Variants in SPECC1 observed in about 807,000 individuals in gnomAD.
SPECC1 encodes cytospin-B.
SPECC1 carries 62 observed loss-of-function variants against 104.1 expected under a neutral mutation model. That is an observed-to-expected ratio of 0.60 (90% confidence interval 0.49 to 0.74). The LOEUF (loss-of-function observed/expected upper bound fraction) is 0.74, where lower values mean the gene tolerates loss of function less well. Ranked by LOEUF, SPECC1 falls within the 30% of genes least tolerant of loss-of-function variation. SPECC1 has a pLI of 0.00. For missense variants in SPECC1, 1,306 were observed against 1,310.5 expected (o/e 1.00, Z 0.05); for synonymous variants, 513 against 501.6 (o/e 1.02, Z -0.30).
intron 2 of SPECC1, among the ~76,000 whole-genome samples, chr17:20,107,144 C>CAAA (rs531912350): frequency 0.098 from 6,645 of 67,910 alleles, 789 homozygotes; most frequent in African/African-American, 0.18. Context: ...ACTCGTGTCT[C>CAAA]AAAAAAAAAA....
intron 13 of SPECC1, among the ~76,000 whole-genome samples, chr17:20,298,948 A>AGAGAGAGAGAGTGTGT: frequency 2.0e-5 from 1 of 49,076 alleles, no homozygotes; most frequent in African/African-American, 9.3e-5. Flanking sequence ...AGAGAGAGAG[A>AGAGAGAGAGAGTGTGT]GTGTGTGTGT....
At chr17:20,066,030 C>G (rs149008920) in intron 1 of SPECC1, among the ~76,000 whole-genome samples, 1 of 152,180 alleles carries the variant, frequency 6.6e-6, no homozygotes, top group African/African-American at 2.4e-5. Flanking sequence ...ATCTATCAGT[C>G]AATCATAACA....
At chr17:20,310,934 C>T (rs1289978936) in intron 14 of SPECC1, among the ~76,000 whole-genome samples, 1 of 151,938 alleles carries the variant, frequency 6.6e-6, no homozygotes, top group East Asian at 1.9e-4. Flanking sequence ...TCATGGAGGT[C>T]CTGCAAGGTG....
intron 1 of SPECC1, chr17:20,095,751 G>T (rs942261007): frequency 6.6e-6 from 1 of 152,540 alleles, no homozygotes; most frequent in Non-Finnish European, 1.5e-5. Flanking sequence ...GTGCATTTCT[G>T]ATGTTCTTTG....
chr17:20,165,467 T>C (rs2033572019), intron 3 of SPECC1, among the ~76,000 whole-genome samples: 2 of 152,234 alleles, frequency 1.3e-5, no homozygotes, highest in African/African-American at 4.8e-5. Context: ...TTGATGGACA[T>C]TTGGATTGAT....
intron 1 of SPECC1, among the ~76,000 whole-genome samples, chr17:20,068,770 T>G (rs1347871963): frequency 2.0e-5 from 3 of 152,250 alleles, no homozygotes; most frequent in Non-Finnish European, 4.4e-5. Flanking sequence ...TTTCACGTGC[T>G]TGTTGGCCAC....
chr17:20,106,895 G>A (rs749585904), intron 2 of SPECC1, among the ~76,000 whole-genome samples: 1 of 152,062 alleles, frequency 6.6e-6, no homozygotes, highest in Non-Finnish European at 1.5e-5. Context: ...GGTGGCCCAC[G>A]CCTGTAATCC....
At position 20,171,779 on chromosome 17, in the gene SPECC1, A is replaced by ATT. The variant is rs2034113163; in HGVS notation, c.284-32554_284-32553insTT. 3.9e-5 allele frequency among the ~76,000 whole-genome samples: 6 copies of ATT among 152,062 alleles called. No individual in the cohort carries two copies. The South Asian group carries it at 1.2e-3, about 32-fold the overall frequency. Reference sequence around the variant, plus strand: ...TGCTCAGGCTGGTCTCATCCCTATTAATGTGAATTCTGGTACCAGCTTTGA... The same window carrying ATT: ...TGCTCAGGCTGGTCTCATCCCTATTATTATGTGAATTCTGGTACCAGCTTTGA... On this transcript the variant is annotated intron_variant, in intron 3 of 14. Coordinates refer to ENST00000395527, the MANE Select transcript of SPECC1 (RefSeq NM_001243439.2).
At chr17:20,079,826 CTG>C (rs903006675) in intron 1 of SPECC1, among the ~76,000 whole-genome samples, 1 of 152,140 alleles carries the variant, frequency 6.6e-6, no homozygotes, top group Non-Finnish European at 1.5e-5. Context: ...CCATTGGGGG[CTG>C]TGGTGGAGAG....
intron 3 of SPECC1, among the ~76,000 whole-genome samples, chr17:20,138,692 G>A (rs902628410): frequency 6.6e-6 from 1 of 152,078 alleles, no homozygotes. Flanking sequence ...TCTTTTCATG[G>A]CTTGATAGTT....
intron 2 of SPECC1, among the ~76,000 whole-genome samples, chr17:20,103,490 C>T (rs1041535004): frequency 5.9e-5 from 9 of 152,176 alleles, no homozygotes; most frequent in Admixed American, 1.3e-4. Context: ...TAAAGATGTA[C>T]GTCCAGCCTC....
intron 4 of SPECC1, among the ~76,000 whole-genome samples, chr17:20,218,259 C>G (rs1304444545): frequency 6.6e-6 from 1 of 152,010 alleles, no homozygotes; most frequent in African/African-American, 2.4e-5. Context: ...ATAAACTCTC[C>G]AAGTCATTAT....
At chr17:20,095,145 C>T (rs1396275243) in intron 1 of SPECC1, among the ~76,000 whole-genome samples, 3 of 152,128 alleles carry the variant, frequency 2.0e-5, no homozygotes, top group Non-Finnish European at 2.9e-5. Context: ...TGCATTCTTT[C>T]ATTGTTGCTG....
intron 12 of SPECC1, among the ~76,000 whole-genome samples, chr17:20,273,061 C>G (rs879596143): frequency 6.6e-6 from 1 of 152,180 alleles, no homozygotes; most frequent in Non-Finnish European, 1.5e-5. Flanking sequence ...ATATCCATGA[C>G]GAACTTCTGG....
chr17:20,078,094 A>G (rs1239810179), intron 1 of SPECC1, among the ~76,000 whole-genome samples: 1 of 151,414 alleles, frequency 6.6e-6, no homozygotes, highest in Non-Finnish European at 1.5e-5. Context: ...ATATACATAA[A>G]AAGACATATG....
chr17:20,272,063 G>A (rs76505169), intron 12 of SPECC1, among the ~76,000 whole-genome samples: 4,192 of 152,030 alleles, frequency 0.028, 184 homozygotes, highest in African/African-American at 0.094. Context: ...ATTTCAGGGT[G>A]ATGTGCCTTG....
intron 3 of SPECC1, among the ~76,000 whole-genome samples, chr17:20,177,607 A>G (rs1188408952): frequency 1.3e-5 from 2 of 152,200 alleles, no homozygotes; most frequent in Non-Finnish European, 2.9e-5. Context: ...ATGTAATTAA[A>G]TACTCTCAAC....
At chr17:20,081,039 C>T (rs1240081865) in intron 1 of SPECC1, among the ~76,000 whole-genome samples, 1 of 152,200 alleles carries the variant, frequency 6.6e-6, no homozygotes, top group African/African-American at 2.4e-5. Flanking sequence ...AGTTTCTCTC[C>T]CTCTTGTCAT....
At chr17:20,148,815 G>T (rs1167112725) in intron 3 of SPECC1, among the ~76,000 whole-genome samples, 1 of 152,062 alleles carries the variant, frequency 6.6e-6, no homozygotes, top group East Asian at 1.9e-4. Flanking sequence ...TGCCTCCCAG[G>T]TTCAAGCGAT....
Sources: allele counts gnomAD v4.1 joint callset (sites outside exome capture counted in the v4.1 genomes callset), GRCh38; gene constraint gnomAD v4.1.1; transcripts MANE v1.5; gene names NCBI Gene and HGNC (gene_info 2026-07-23, HGNC 2026-07-21).